The following RRP1B variants were observed in gnomAD, a reference collection of about 807,000 sequenced individuals.
RRP1B encodes the protein ribosomal RNA processing protein 1 homolog B.
In RRP1B, 56 loss-of-function variants were observed where a neutral mutation model predicts 80.2. That is an observed-to-expected ratio of 0.70 (90% CI 0.56 to 0.87). The LOEUF (loss-of-function observed/expected upper bound fraction) is 0.87. RRP1B is among the 40% of genes least tolerant of loss of function. RRP1B has a pLI of 0.00. For synonymous variants in RRP1B, 351 were observed against 357.6 expected, an observed-to-expected ratio of 0.98 and a Z score of 0.21; for missense variants, 807 against 939.8, an observed-to-expected ratio of 0.86 and a Z score of 1.85.
chr21:43,693,145 C>G lies in RRP1B; in HGVS notation c.2084-45C>G, dbSNP rs1334226346. The G allele has an allele frequency of 5.0e-6, 8 of 1,601,124 alleles. No homozygotes were observed. The highest frequency in any genetic ancestry group is 1.1e-5 in the South Asian group (1 of 90,308). ...GCTGTCTAAGGTGTTGAAGGGACAG[C>G]TGTCGGACCCACTTAATATGGGGCC... On this transcript the variant is annotated intron_variant, in intron 15 of 15. Transcript: ENST00000340648. The surrounding 1 kb of genome is among the most constrained non-coding windows in gnomAD (Gnocchi z 4.1).
chr21:43,691,618 T>C lies in RRP1B; in HGVS notation c.2083+116T>C. On this transcript the variant is annotated intron_variant, in intron 15 of 15. Transcript: ENST00000340648. The surrounding 1 kb of genome is among the most constrained non-coding windows in gnomAD (Gnocchi z 4.2). Reference sequence around the variant, plus strand: ...GAAGAGGGGGGTCCTAGCTCCTCACTGCCCATTTCTTTATTTTTATTTTTT... The same window carrying C: ...GAAGAGGGGGGTCCTAGCTCCTCACCGCCCATTTCTTTATTTTTATTTTTT... 1.4e-6 allele frequency: 1 copy of C among 708,730 alleles called. No individual in the cohort carries two copies. Among genetic ancestry groups the C allele is most frequent in the Non-Finnish European group, 2.4e-6 (1 of 418,578 alleles). 43.9% of individuals were successfully genotyped at this position (708,730 alleles called of 1,614,324 possible). A position where few individuals can be genotyped will look rare whatever the true frequency, so the allele number is the denominator to read the frequency against.
intron 9 of RRP1B, among the ~76,000 whole-genome samples, 164 bp downstream of exon 9, chr21:43,683,537 G>A (rs1318180577): frequency 1.3e-5 from 2 of 152,168 alleles, no homozygotes; most frequent in Non-Finnish European, 2.9e-5. Context: ...CCTTATTGGA[G>A]ACAAGGAAAT....
In RRP1B at chr21:43,691,437, A is replaced by T; in HGVS notation, c.2020-2A>T. 6.2e-6 allele frequency: 10 copies of T among 1,613,942 alleles called. No individual in the cohort carries two copies. The highest frequency in any genetic ancestry group is 8.5e-6 in the Non-Finnish European group (10 of 1,179,862). ...TTTGTTCCTGTTATTTCTCTTCTGC[A>T]GCTAAACAAGACACCATCCAGCTCC... On this transcript the variant is annotated splice_acceptor_variant, in intron 14 of 15. Transcript: ENST00000340648. LOFTEE classifies it high-confidence loss of function. This position sits in a 1 kb window ranked among gnomAD's most constrained non-coding sequence, Gnocchi z 4.2.
intron 8 of RRP1B, among the ~76,000 whole-genome samples, chr21:43,680,297 G>T (rs977197064): frequency 1.3e-5 from 2 of 152,074 alleles, no homozygotes; most frequent in Admixed American, 1.3e-4. Flanking sequence ...CGGTGGCCCA[G>T]GCCCGTAATC....
chr21:43,683,241 A>G (rs765473722), intron 8 of RRP1B, 38 bp from the exon 9 acceptor site: 1 of 1,506,274 alleles, frequency 6.6e-7, no homozygotes, highest in Non-Finnish European at 9.2e-7. Context: ...TGTGTATTTG[A>G]TATGTCAATA....
chr21:43,693,079 T>G lies in RRP1B; in HGVS notation c.2084-111T>G, dbSNP rs2083093456. 2 of 1,111,972 alleles carry G rather than the reference T, an allele frequency of 1.8e-6. No homozygotes were observed. The highest frequency in any genetic ancestry group is 2.6e-6 in the Non-Finnish European group (2 of 761,228). The allele number at this position is 1,111,972 out of a possible 1,614,324, so 68.9% of individuals were successfully genotyped here. A position where few individuals can be genotyped will look rare whatever the true frequency, so the allele number is the denominator to read the frequency against. On this transcript the variant is annotated intron_variant, in intron 15 of 15. Transcript: ENST00000340648. The surrounding 1 kb of genome is among the most constrained non-coding windows in gnomAD (Gnocchi z 4.1). ...CTGCAGGGCCTTGAGATGGCCCTGC[T>G]TCGTCCTAGCAAGTGGGTGGGGTCG... is the stretch of plus-strand genomic sequence containing the variant.
In RRP1B at chr21:43,676,302, G is replaced by A. The variant is rs770126824; in HGVS notation, c.580G>A (p.Asp194Asn). The change falls in exon 7 of 16, where the codon GAT becomes AAT. Residue 194 changes from aspartate to asparagine, a missense_variant. Physicochemically the swap from Asp to Asn is conservative, Grantham distance 23. Transcript: ENST00000340648. ...AGCAGATCAGAATCTCAAGTTTATC[G>A]ATCCATTCTGCAAAATTGCTGCGAA... ...LLADQNLKFI[D>N]PFCKIAAKTK... 3.1e-6 allele frequency: 5 copies of A among 1,612,802 alleles called. No homozygotes were observed. The highest frequency in any genetic ancestry group is 2.5e-6 in the Non-Finnish European group (3 of 1,179,188).
At chr21:43,686,559 G>A (rs866346465) in intron 11 of RRP1B, 23 of 417,362 alleles carry the variant, frequency 5.5e-5, no homozygotes, top group East Asian at 8.5e-5. Flanking sequence ...TTAGCCAAGC[G>A]TCCGGGGTCC....
At chr21:43,662,251 A>C (rs764134569) in intron 1 of RRP1B, among the ~76,000 whole-genome samples, 3 of 152,230 alleles carry the variant, frequency 2.0e-5, no homozygotes, top group Admixed American at 1.3e-4. Flanking sequence ...AGACCAGTTT[A>C]CACCAGTGCT....
chr21:43,683,245 G>A, intron 8 of RRP1B, 34 bp from the exon 9 acceptor site: 1 of 1,532,198 alleles, frequency 6.5e-7, no homozygotes, highest in East Asian at 2.2e-5. Context: ...TATTTGATAT[G>A]TCAATAATTT....
Position 43,691,637 on chromosome 21 carries a change from A to AT in RRP1B, c.2083+151dup, listed in dbSNP as rs34380943. ...CCTCACTGCCCATTTCTTTATTTTTATTTTTTTTTTTTTTTTGAGACAGAG... is the reference window on the plus strand; with the variant it reads ...CCTCACTGCCCATTTCTTTATTTTTATTTTTTTTTTTTTTTTTGAGACAGAG... On this transcript the variant is annotated intron_variant, in intron 15 of 15. Transcript: ENST00000340648. The surrounding 1 kb of genome is among the most constrained non-coding windows in gnomAD (Gnocchi z 4.2). The AT allele has an allele frequency of 1.3e-3, 611 of 453,228 alleles. 3 individuals are homozygous for AT. The highest frequency in any genetic ancestry group is 8.0e-3 in the East Asian group (203 of 25,518). The allele number at this position is 453,228 out of a possible 1,614,324, so 28.1% of individuals were successfully genotyped here. A position where few individuals can be genotyped will look rare whatever the true frequency, so the allele number is the denominator to read the frequency against.
intron 1 of RRP1B, among the ~76,000 whole-genome samples, chr21:43,661,880 C>T (rs1258300772): frequency 6.6e-6 from 1 of 152,204 alleles, no homozygotes; most frequent in African/African-American, 2.4e-5. Context: ...TGCAAAGAAT[C>T]CCACACCTTC....
chr21:43,674,803 C>A, intron 5 of RRP1B, 106 bp downstream of exon 5: 1 of 1,094,590 alleles, frequency 9.1e-7, no homozygotes, highest in Admixed American at 2.3e-5. Context: ...CTCGATACAT[C>A]GTTACCTATA....
intron 9 of RRP1B, among the ~76,000 whole-genome samples, chr21:43,683,903 C>T (rs554180498): frequency 1.4e-5 from 2 of 138,932 alleles, no homozygotes; most frequent in African/African-American, 5.5e-5. Flanking sequence ...CATTTGAACC[C>T]GGGAGGTGGA....
Position 43,659,855 on chromosome 21 carries a change from AGGGCCAGGGCCCC to A in RRP1B, c.130+64_130+76del. 1 of 1,403,234 alleles carries A rather than the reference AGGGCCAGGGCCCC, an allele frequency of 7.1e-7. No individual in the cohort carries two copies. Among genetic ancestry groups the A allele is most frequent in the Non-Finnish European group, 9.3e-7 (1 of 1,072,312 alleles). The allele number at this position is 1,403,234 out of a possible 1,614,324, so 86.9% of individuals were successfully genotyped here. On this transcript the variant is annotated intron_variant, in intron 1 of 15. Coordinates refer to ENST00000340648, the MANE Select transcript of RRP1B (RefSeq NM_015056.3). This position sits in a 1 kb window ranked among gnomAD's most constrained non-coding sequence, Gnocchi z 4.2. ...CGGGCCGGGGGCCGGGGCTGGGGCT[AGGGCCAGGGCCCC>A]GGCACGGAATGCGGCTTCCACGTGT... is the stretch of plus-strand genomic sequence containing the variant.
chr21:43,668,208 CAAAAAAAA>C (rs774028334), intron 1 of RRP1B, among the ~76,000 whole-genome samples: 93 of 118,506 alleles, frequency 7.8e-4, no homozygotes, highest in Non-Finnish European at 1.5e-3. Context: ...GACTCTATCT[CAAAAAAAA>C]AAAAAAGAAT....
chr21:43,675,557 C>T (rs2083018434), intron 6 of RRP1B, among the ~76,000 whole-genome samples: 1 of 152,210 alleles, frequency 6.6e-6, no homozygotes, highest in Non-Finnish European at 1.5e-5. Flanking sequence ...GCAAATGATT[C>T]TCTGAATGTG....
intron 8 of RRP1B, 47 bp downstream of exon 8, chr21:43,676,961 C>G: frequency 6.4e-7 from 1 of 1,566,726 alleles, no homozygotes; most frequent in Non-Finnish European, 8.7e-7. Flanking sequence ...TGCTAAAATC[C>G]TCCTCAGACA....
intron 11 of RRP1B, 150 bp downstream of exon 11, chr21:43,685,939 A>G: frequency 2.0e-6 from 2 of 1,011,318 alleles, no homozygotes; most frequent in Non-Finnish European, 2.8e-6. Context: ...CAGGCAAAAT[A>G]GCAAGGCCAC....
Sources: allele counts gnomAD v4.1 joint callset (sites outside exome capture counted in the v4.1 genomes callset), GRCh38; gene constraint gnomAD v4.1.1; non-coding constraint Gnocchi (gnomAD v3.1); transcripts MANE v1.5; gene names NCBI Gene and HGNC (gene_info 2026-07-23, HGNC 2026-07-21).